Variants in PLEC observed in about 807,000 individuals in gnomAD.
The protein encoded by PLEC is hemidesmosomal protein 1.
PLEC carries 216 observed loss-of-function variants against 392.8 expected under a neutral mutation model. The observed-to-expected ratio is 0.55, with a 90% CI of 0.49 to 0.62. The LOEUF (loss-of-function observed/expected upper bound fraction) is 0.62, where lower values mean the gene tolerates loss of function less well. PLEC is among the 20% of genes least tolerant of loss of function. The pLI is 0.00. For missense variants in PLEC, 6,863 were observed against 6,563.4 expected (o/e 1.05, Z -1.58); for synonymous variants, 3,621 against 2,980.6 (o/e 1.21, Z -7.00).
At chr8:143,970,585 C>T (rs1486809442) in intron 1 of PLEC, among the ~76,000 whole-genome samples, 14 of 152,332 alleles carry the variant, frequency 9.2e-5, no homozygotes. Flanking sequence ...CCATTCAAAG[C>T]GTCCAATTCA....
rs782336317 is a variant in PLEC at position 143,921,975 on chromosome 8, T to C, written c.7846A>G (p.Thr2616Ala). 1.4e-5 allele frequency: 22 copies of C among 1,598,754 alleles called. No homozygotes were observed. The highest frequency in any genetic ancestry group is 1.8e-5 in the Non-Finnish European group (21 of 1,179,736). Residue 2616 changes from threonine (T) to alanine (A), a missense_variant, in exon 32 of 32, where the codon ACT becomes GCT. Thr to Ala is a moderately conservative substitution (Grantham distance 58). Transcript: ENST00000345136. ...TTTGTGGCAGCCACCTGCGAGGCAG[T>C]GACCTCCTCTGAGTGCGCCAGCGCG... ...RAALAHSEEV[T>A]ASQVAATKTL... is the part of the protein sequence containing the mutation.
At chr8:143,937,287 C>A (rs376735010) in intron 3 of PLEC, 45 bp from the exon 4 acceptor site, 20 of 1,479,178 alleles carry the variant, frequency 1.4e-5, no homozygotes, top group Non-Finnish European at 1.9e-5. Context: ...CTGCAGCTCC[C>A]GGGCCCCACC....
chr8:143,973,624 C>T (rs1346911649), upstream of PLEC: 16 of 762,058 alleles, frequency 2.1e-5, no homozygotes, highest in African/African-American at 2.1e-4. This position sits in a 1 kb window ranked among gnomAD's most constrained non-coding sequence, Gnocchi z 5.6. Context: ...GGGGCGGGGC[C>T]GGGGCCGCCG....
At position 143,922,949 on chromosome 8, in the gene PLEC, G is replaced by C. The variant is rs1316813859; in HGVS notation, c.6980C>G (p.Ala2327Gly). The C allele has an allele frequency of 6.2e-7, 1 of 1,608,978 alleles. No homozygotes were observed. Among genetic ancestry groups the C allele is most frequent in the Admixed American group, 1.7e-5 (1 of 59,594 alleles). The stretch of plus-strand genomic sequence containing the variant: ...CTGCTGCTGCAGCAGTTCCGCCTCA[G>C]CCTTGAGTCGCGTGGCCTCCTGCAC... Reference protein sequence around the residue: ...QAVQEATRLKAEAELLQQQKE... With the variant: ...QAVQEATRLKGEAELLQQQKE... The change falls in exon 31 of 32, where the codon GCT becomes GGT. Residue 2327 changes from alanine to glycine, a missense_variant. By Grantham distance (60) the Ala-to-Gly change is moderately conservative. Coordinates refer to ENST00000345136, the MANE Select transcript of PLEC (RefSeq NM_201384.3).
intron 1 of PLEC, among the ~76,000 whole-genome samples, chr8:143,946,998 C>T (rs1554732687): frequency 1.3e-5 from 2 of 152,236 alleles, no homozygotes; most frequent in Non-Finnish European, 2.9e-5. Flanking sequence ...TGCTTGCTGA[C>T]CAGTGAAGTG....
chr8:143,969,527 A>G lies in PLEC; in HGVS notation c.70+3876T>C, dbSNP rs543886822. On this transcript the variant is annotated intron_variant, in intron 1 of 31. Transcript: ENST00000356346. This position sits in a 1 kb window ranked among gnomAD's most constrained non-coding sequence, Gnocchi z 5.1. The stretch of plus-strand genomic sequence containing the variant: ...CTCATAGAGGCTGGGCCGTCCTGCC[A>G]CACCATGGGAGCCTGGAGAGAGACC... 8.7e-4 allele frequency among the ~76,000 whole-genome samples: 132 copies of G among 152,312 alleles called. 1 individual carries two copies. The highest frequency in any genetic ancestry group is 3.4e-3 in the Middle Eastern group (1 of 294).
chr8:143,920,596 C>G lies in PLEC; in HGVS notation c.9225G>C (p.Arg3075=). 6.2e-7 allele frequency: 1 copy of G among 1,609,876 alleles called. No individual in the cohort carries two copies. The highest frequency in any genetic ancestry group is 8.5e-7 in the Non-Finnish European group (1 of 1,179,874). ...GHIIDPATSA[R]LTVDEAVRAG... ...CACGCACTGCCTCGTCCACGGTCAG[C>G]CGGGCGCTGGTGGCGGGGTCGATGA... The change falls in exon 32 of 32, where the codon CGG becomes CGC. Residue 3075 remains arginine, a synonymous_variant. Transcript: ENST00000345136.
Position 143,929,172 on chromosome 8 carries a change from C to G in PLEC, c.3191G>C (p.Arg1064Pro), listed in dbSNP as rs571362398. The change falls in exon 25 of 32, where the codon CGC becomes CCC. Residue 1064 changes from arginine to proline, a missense_variant. Arg to Pro is a moderately radical substitution (Grantham distance 103). Coordinates refer to ENST00000345136, the MANE Select transcript of PLEC (RefSeq NM_201384.3). ...GCCCAGCGTCAGCTCCAGCTCCGAG[C>G]GCAGCGTGGGGGCCGCAGGCGATGG... Reference protein sequence around the residue: ...PEPSPAAPTLRSELELTLGKL... With the variant: ...PEPSPAAPTLPSELELTLGKL... The G allele has an allele frequency of 1.3e-6, 2 of 1,595,722 alleles. No homozygotes were observed. Among genetic ancestry groups the G allele is most frequent in the East Asian group, 2.3e-5 (1 of 44,300 alleles).
At chr8:143,935,443 T>C in intron 6 of PLEC, 130 bp from the exon 7 acceptor site, 1 of 719,570 alleles carries the variant, frequency 1.4e-6, no homozygotes, top group Non-Finnish European at 2.5e-6. Context: ...CCCTGAAAAA[T>C]ACACTGTCAC....
Position 143,921,083 on chromosome 8 carries a change from G to C in PLEC, c.8738C>G (p.Pro2913Arg). ...CGTCTTGCCCTGGAACTTGCCGAAC[G>C]GCGCAGACACGGTGGCCTTCTCAAA... is the stretch of plus-strand genomic sequence containing the variant. Reference protein sequence around the residue: ...DVFEKATVSAPFGKFQGKTVT... With the variant: ...DVFEKATVSARFGKFQGKTVT... Residue 2913 changes from proline to arginine, a missense_variant, in exon 32 of 32, where the codon CCG becomes CGG. Transcript: ENST00000345136. 3.1e-6 allele frequency: 5 copies of C among 1,611,904 alleles called. No homozygotes were observed. Among genetic ancestry groups the C allele is most frequent in the Non-Finnish European group, 4.2e-6 (5 of 1,180,032 alleles).
chr8:143,975,439 C>A, upstream of PLEC: 1 of 1,379,604 alleles, frequency 7.2e-7, no homozygotes, highest in South Asian at 1.2e-5. This position sits in a 1 kb window ranked among gnomAD's most constrained non-coding sequence, Gnocchi z 9.9. Context: ...CACGCCGACC[C>A]ACCCACCACC....
rs1554669937 is a variant in PLEC at position 143,916,701 on chromosome 8, G to C, written c.13120C>G (p.Leu4374Val). 6.2e-7 allele frequency: 1 copy of C among 1,612,580 alleles called. No homozygotes were observed. Among genetic ancestry groups the C allele is most frequent in the Non-Finnish European group, 8.5e-7 (1 of 1,179,828 alleles). ...TCGTAGTAGAGCCAGCCCTTCTTCA[G>C]GGCCTGGGCGGCCGACATCTTGGTC... ...TKTKMSAAQA[L>V]KKGWLYYEAG... The change falls in exon 32 of 32, where the codon CTG becomes GTG. Residue 4374 changes from leucine to valine, a missense_variant. Physicochemically the swap from Leu to Val is conservative, Grantham distance 32 (BLOSUM62 1). Transcript: ENST00000345136.
chr8:143,920,603 C>G lies in PLEC; in HGVS notation c.9218G>C (p.Ser3073Thr), dbSNP rs782205169. Residue 3073 changes from serine (S) to threonine (T), a missense_variant, in exon 32 of 32, where the codon AGC (serine) becomes ACC (threonine). Physicochemically the swap from Ser to Thr is moderately conservative, Grantham distance 58. Coordinates refer to ENST00000345136, the MANE Select transcript of PLEC (RefSeq NM_201384.3). The stretch of plus-strand genomic sequence containing the variant: ...TGCCTCGTCCACGGTCAGCCGGGCG[C>G]TGGTGGCGGGGTCGATGATGTGCCC... ...GTGHIIDPATSARLTVDEAVR... is the reference protein window; with the variant it reads ...GTGHIIDPATTARLTVDEAVR... 1.1e-5 allele frequency: 17 copies of G among 1,609,388 alleles called. 1 individual carries two copies. The South Asian group carries it at 1.9e-4, about 18-fold the overall frequency.
upstream of PLEC, among the ~76,000 whole-genome samples, chr8:143,973,779 C>G (rs1404576138): frequency 2.6e-5 from 4 of 151,762 alleles, no homozygotes; most frequent in African/African-American, 9.6e-5. This position sits in a 1 kb window ranked among gnomAD's most constrained non-coding sequence, Gnocchi z 5.6. Flanking sequence ...GGGTGGCCCC[C>G]GCCCAGGGGC....
chr8:143,923,214 C>T lies in PLEC; in HGVS notation c.6715G>A (p.Glu2239Lys), dbSNP rs782468537. 1 of 1,603,154 alleles carries T rather than the reference C, an allele frequency of 6.2e-7. No homozygotes were observed. Among genetic ancestry groups the T allele is most frequent in the Admixed American group, 1.7e-5 (1 of 60,010 alleles). The change falls in exon 31 of 32, where the codon GAG becomes AAG. Residue 2239 changes from glutamate (E) to lysine (K), a missense_variant. By Grantham distance (56) the Glu-to-Lys change is moderately conservative. Transcript: ENST00000345136. ...ELFSVRVQME[E>K]LSKLKARIEA... ...ATGCGTGCCTTGAGCTTGCTCAGCT[C>T]CTCCATCTGCACGCGCACCGAGAAG...
Position 143,918,009 on chromosome 8 carries a change from C to T in PLEC, c.11812G>A (p.Val3938Ile), listed in dbSNP as rs782604539. The change falls in exon 32 of 32, where the codon GTC becomes ATC. Residue 3938 changes from valine to isoleucine, a missense_variant. Transcript: ENST00000345136. Reference protein sequence around the residue: ...FLEGTSCIAGVFVDATKERLS... With the variant: ...FLEGTSCIAGIFVDATKERLS... ...CGTTCCTTGGTGGCGTCCACGAAGA[C>T]ACCAGCGATGCAGCTGGTGCCTTCC... The T allele has an allele frequency of 4.3e-6, 7 of 1,612,030 alleles. No individual in the cohort carries two copies. The highest frequency in any genetic ancestry group is 2.5e-6 in the Non-Finnish European group (3 of 1,179,818).
chr8:143,938,793 C>A, intron 1 of PLEC, 101 bp from the exon 2 acceptor site: 1 of 1,004,168 alleles, frequency 1.0e-6, no homozygotes, highest in South Asian at 1.3e-5. Flanking sequence ...CCAGGTCCTG[C>A]CTGGGGAGCC....
rs782391070 is a variant in PLEC, at chr8:143,932,545, C to A, written c.1832G>T (p.Arg611Leu). ...YAKLLNSSKARLRSLESLHSF... is the reference protein window; with the variant it reads ...YAKLLNSSKALLRSLESLHSF... ...GTGCAAGCTCTCCAGGGACCTGAGG[C>A]GGGCCTTGGAGGAGTTCTGTGGGCA... The change falls in exon 16 of 32, where the codon CGC (arginine) becomes CTC (leucine). Residue 611 changes from arginine (R) to leucine (L), a missense_variant. Arg to Leu is a moderately radical substitution (Grantham distance 102, BLOSUM62 -2). Coordinates refer to ENST00000345136, the MANE Select transcript of PLEC (RefSeq NM_201384.3). The A allele has an allele frequency of 1.9e-6, 3 of 1,612,530 alleles. No individual in the cohort carries two copies. The highest frequency in any genetic ancestry group is 2.5e-6 in the Non-Finnish European group (3 of 1,179,940).
intron 12 of PLEC, 112 bp downstream of exon 12, chr8:143,933,886 G>A: frequency 2.2e-6 from 2 of 904,790 alleles, no homozygotes; most frequent in South Asian, 2.9e-5. Context: ...CCCTGCCCCT[G>A]CCCCTGCCCC....
Sources: gnomAD v4.1 joint callset for allele counts (sites outside exome capture counted in the v4.1 genomes callset) on GRCh38, gnomAD v4.1.1 for gene constraint, Gnocchi (gnomAD v3.1) non-coding constraint, MANE v1.5 for transcripts, NCBI Gene and HGNC (gene_info 2026-07-23, HGNC 2026-07-21) for gene names.